Variants in RPTOR observed in about 807,000 individuals in gnomAD.
RPTOR encodes regulatory associated protein of MTOR complex 1, also known as regulatory-associated protein of mTOR.
RPTOR carries 21 observed loss-of-function variants against 169.9 expected under a neutral mutation model. The observed-to-expected ratio is 0.12, with a 90% CI of 0.09 to 0.18. The LOEUF (loss-of-function observed/expected upper bound fraction) is 0.18, where lower values mean the gene tolerates loss of function less well. RPTOR is among the 10% of genes least tolerant of loss of function. RPTOR has a pLI of 1.00. For synonymous variants in RPTOR, 732 were observed against 753.2 expected, an observed-to-expected ratio of 0.97 and a Z score of 0.46; for missense variants, 1,133 against 1,855.9, an observed-to-expected ratio of 0.61 and a Z score of 7.16.
intron 7 of RPTOR, among the ~76,000 whole-genome samples, chr17:80,818,081 G>T (rs1175658025): frequency 1.3e-5 from 2 of 152,226 alleles, no homozygotes; most frequent in Admixed American, 6.5e-5. Context: ...GCCCTGTTGG[G>T]GGGCCACCCC....
intron 3 of RPTOR, among the ~76,000 whole-genome samples, chr17:80,667,264 G>T (rs1401888036): frequency 6.6e-6 from 1 of 152,186 alleles, no homozygotes; most frequent in Non-Finnish European, 1.5e-5. Context: ...ACAGCCGGGG[G>T]AAGCTCCATA....
At chr17:80,571,729 C>T (rs1224744993) in intron 1 of RPTOR, among the ~76,000 whole-genome samples, 1 of 152,164 alleles carries the variant, frequency 6.6e-6, no homozygotes, top group African/African-American at 2.4e-5. Flanking sequence ...CCGTGTTGTC[C>T]AGGCTCCTCT....
chr17:80,758,654 G>A (rs1056248810), intron 6 of RPTOR, among the ~76,000 whole-genome samples: 4 of 152,152 alleles, frequency 2.6e-5, no homozygotes, highest in Middle Eastern at 3.4e-3. Flanking sequence ...GGACACTGCC[G>A]AGAAACAGGC....
intron 1 of RPTOR, among the ~76,000 whole-genome samples, chr17:80,556,214 T>C (rs2084406525): frequency 6.6e-6 from 1 of 151,934 alleles, no homozygotes; most frequent in Non-Finnish European, 1.5e-5. Context: ...CCACAGACAA[T>C]AAGATCTTTC....
intron 1 of RPTOR, among the ~76,000 whole-genome samples, chr17:80,546,329 A>T (rs1302863115): frequency 6.6e-6 from 1 of 152,170 alleles, no homozygotes. Flanking sequence ...TTGAAGCTAG[A>T]TTTTCCTCCT....
chr17:80,949,586 C>T lies in RPTOR; in HGVS notation c.3370+39C>T, dbSNP rs561776928. ...GCTCCTCCCCAGAGCAGAATGTGTT[C>T]CCGGGGCTGCGGACGCACTCGGAAT... On this transcript the variant is annotated intron_variant, in intron 28 of 33. Coordinates refer to ENST00000306801, the MANE Select transcript of RPTOR (RefSeq NM_020761.3). 14 of 1,548,374 alleles carry T rather than the reference C, an allele frequency of 9.0e-6. No individual in the cohort carries two copies. The South Asian group carries it at 1.3e-4, about 15-fold the overall frequency.
At position 80,844,973 on chromosome 17, in the gene RPTOR, G is replaced by GT. The variant is rs1362189053; in HGVS notation, c.1213-1498dup. Reference sequence around the variant, plus strand: ...AGTGGATGGGAGAGAGAGGCTGGTAGTTGTTTTTTTTTTTTTCTTTAATTC... The same window carrying GT: ...AGTGGATGGGAGAGAGAGGCTGGTAGTTTGTTTTTTTTTTTTTCTTTAATTC... On this transcript the variant is annotated intron_variant, in intron 10 of 33. Coordinates refer to ENST00000306801, the MANE Select transcript of RPTOR (RefSeq NM_020761.3). This position sits in a 1 kb window ranked among gnomAD's most constrained non-coding sequence, Gnocchi z 4.7. Among the ~76,000 whole-genome samples, 2 of 134,826 alleles carry GT rather than the reference G, an allele frequency of 1.5e-5. No homozygotes were observed. The highest frequency in any genetic ancestry group is 3.5e-5 in the African/African-American group (1 of 28,468). 88.5% of individuals were successfully genotyped at this position (134,826 alleles called of 152,430 possible). A position where few individuals can be genotyped will look rare whatever the true frequency, so the allele number is the denominator to read the frequency against.
chr17:80,646,201 C>T lies in RPTOR; in HGVS notation c.348+2391C>T, dbSNP rs985273767. ...CAATGGACACCTAATATTTGCTTTT[C>T]GAATGCCAACACCATTGCATTCATT... On this transcript the variant is annotated intron_variant, in intron 3 of 33. Transcript: ENST00000306801. The surrounding 1 kb of genome is among the most constrained non-coding windows in gnomAD (Gnocchi z 5.0). Among the ~76,000 whole-genome samples the T allele has an allele frequency of 9.9e-5, 15 of 152,160 alleles. No individual in the cohort carries two copies. Among genetic ancestry groups the T allele is most frequent in the African/African-American group, 3.6e-4 (15 of 41,420 alleles).
intron 13 of RPTOR, among the ~76,000 whole-genome samples, chr17:80,874,341 C>T (rs930145639): frequency 3.9e-5 from 6 of 152,158 alleles, no homozygotes; most frequent in South Asian, 2.1e-4. Flanking sequence ...GGACCACAGG[C>T]GCGTGCCACC....
At chr17:80,690,336 CACACAT>C (rs1555607731) in intron 3 of RPTOR, among the ~76,000 whole-genome samples, 3 of 109,772 alleles carry the variant, frequency 2.7e-5, no homozygotes, top group South Asian at 2.9e-4. Context: ...AACACACACA[CACACAT>C]ACACACACAC....
intron 24 of RPTOR, among the ~76,000 whole-genome samples, chr17:80,932,164 T>TATATAC (rs960397789): frequency 1.2e-4 from 18 of 151,136 alleles, no homozygotes; most frequent in East Asian, 1.9e-4. Context: ...TATATATATA[T>TATATAC]ACACCTTAGT....
At chr17:80,673,073 T>C (rs1383864274) in intron 3 of RPTOR, among the ~76,000 whole-genome samples, 1 of 151,998 alleles carries the variant, frequency 6.6e-6, no homozygotes, top group Non-Finnish European at 1.5e-5. Flanking sequence ...ATTATAGGCG[T>C]GTGCCACCAC....
intron 7 of RPTOR, among the ~76,000 whole-genome samples, chr17:80,819,662 T>C (rs1023790536): frequency 1.3e-5 from 2 of 152,198 alleles, no homozygotes; most frequent in African/African-American, 2.4e-5. Context: ...GTAAAGAAGG[T>C]AGTGCCAGCG....
chr17:80,823,166 A>G lies in RPTOR; in HGVS notation c.1079A>G (p.Tyr360Cys), dbSNP rs1392466498. ...TTGGCGGAAAGGATTATGAGGTCGT[A>G]TAACTGCACTCCCGTCAGCAGCCCG... ...FLLAERIMRSYNCTPVSSPRL... is the reference protein window; with the variant it reads ...FLLAERIMRSCNCTPVSSPRL... The change falls in exon 9 of 34, where the codon TAT becomes TGT. Residue 360 changes from tyrosine to cysteine, a missense_variant. Coordinates refer to ENST00000306801, the MANE Select transcript of RPTOR (RefSeq NM_020761.3). This position sits in a 1 kb window ranked among gnomAD's most constrained non-coding sequence, Gnocchi z 4.5. 6.2e-7 allele frequency: 1 copy of G among 1,614,182 alleles called. No homozygotes were observed. Among genetic ancestry groups the G allele is most frequent in the African/African-American group, 1.3e-5 (1 of 75,034 alleles).
At chr17:80,918,103 G>A (rs1450715837) in intron 21 of RPTOR, among the ~76,000 whole-genome samples, 1 of 152,214 alleles carries the variant, frequency 6.6e-6, no homozygotes, top group Non-Finnish European at 1.5e-5. Flanking sequence ...TCACACCTAT[G>A]GCTTGAAAGC....
chr17:80,962,714 C>A, intron 32 of RPTOR, 137 bp downstream of exon 32: 1 of 1,097,108 alleles, frequency 9.1e-7, no homozygotes, highest in Non-Finnish European at 1.3e-6. Flanking sequence ...GACATAAAAA[C>A]AAAAGATGTC....
intron 6 of RPTOR, among the ~76,000 whole-genome samples, chr17:80,763,810 A>G (rs1470026009): frequency 1.3e-5 from 2 of 152,262 alleles, no homozygotes; most frequent in Non-Finnish European, 2.9e-5. Flanking sequence ...CAGCTTTAAC[A>G]AAAGTCTGAA....
intron 28 of RPTOR, among the ~76,000 whole-genome samples, chr17:80,955,530 A>G (rs796909387): frequency 7.9e-5 from 12 of 152,392 alleles, no homozygotes; most frequent in African/African-American, 2.9e-4. Context: ...GATTGAGGGT[A>G]AAGACATCAA....
At chr17:80,927,660 GTC>G (rs1462166377) in intron 24 of RPTOR, among the ~76,000 whole-genome samples, 1 of 150,294 alleles carries the variant, frequency 6.7e-6, no homozygotes, top group African/African-American at 2.5e-5. Flanking sequence ...GTATCCCTGT[GTC>G]TGTCTGTGTG....
Sources: allele counts gnomAD v4.1 joint callset (sites outside exome capture counted in the v4.1 genomes callset), GRCh38; gene constraint gnomAD v4.1.1; non-coding constraint Gnocchi (gnomAD v3.1); transcripts MANE v1.5; gene names NCBI Gene and HGNC (gene_info 2026-07-23, HGNC 2026-07-21).